FSTL4: variants seen among roughly 807,000 people sequenced by gnomAD.
FSTL4 encodes the protein follistatin-related protein 4.
Under a neutral mutation model 78.2 loss-of-function variants are expected in FSTL4, and 28 were observed. The ratio of observed to expected loss-of-function variants is 0.36; its 90% CI spans 0.27 to 0.49. FSTL4 has a LOEUF of 0.49. FSTL4 is among the 20% of genes least tolerant of loss of function. The pLI is 0.98. For missense variants in FSTL4, 922 were observed against 1,084.9 expected (o/e 0.85, Z 2.11); for synonymous variants, 422 against 440.5 (o/e 0.96, Z 0.53).
At chr5:133,708,544 C>T in the FSTL4 span, among the ~76,000 whole-genome samples, 1 of 152,192 alleles carries the variant, frequency 6.6e-6, no homozygotes, top group Non-Finnish European at 1.5e-5. Context: ...GCTTGTCCTG[C>T]TCCATTAGAG....
At chr5:133,663,364 C>T in the FSTL4 span, among the ~76,000 whole-genome samples, 1 of 152,202 alleles carries the variant, frequency 6.6e-6, no homozygotes, top group Non-Finnish European at 1.5e-5. Flanking sequence ...AGGGAACTAA[C>T]TCTACATCCT....
chr5:133,809,609 G>GA, the FSTL4 span, among the ~76,000 whole-genome samples: 287 of 136,930 alleles, frequency 2.1e-3, 1 homozygote, highest in East Asian at 0.017. Context: ...ACCAAAAATG[G>GA]AAAAAAAAAA....
At chr5:133,205,802 T>C (rs1446637953) in intron 14 of FSTL4, among the ~76,000 whole-genome samples, 2 of 152,128 alleles carry the variant, frequency 1.3e-5, no homozygotes, top group Admixed American at 6.6e-5. Flanking sequence ...ACTGAGCCCA[T>C]GAAATTCAAA....
At chr5:133,807,612 G>A in the FSTL4 span, among the ~76,000 whole-genome samples, 1 of 152,216 alleles carries the variant, frequency 6.6e-6, no homozygotes, top group African/African-American at 2.4e-5. Flanking sequence ...AGGATGCTCT[G>A]TAACCAGCAA....
intron 11 of FSTL4, among the ~76,000 whole-genome samples, chr5:133,221,897 T>TTTTGTTTG (rs2126788804): frequency 1.4e-5 from 1 of 73,900 alleles, no homozygotes; most frequent in African/African-American, 9.1e-5. Flanking sequence ...TCTAGTTTTT[T>TTTTGTTTG]TTTTTTTTTT....
chr5:133,457,532 T>C (rs546039928), intron 3 of FSTL4, among the ~76,000 whole-genome samples: 89 of 152,376 alleles, frequency 5.8e-4, no homozygotes, highest in African/African-American at 2.0e-3. Context: ...ATCCAATGCC[T>C]TTCCTTTGAA....
the FSTL4 span, among the ~76,000 whole-genome samples, chr5:133,823,172 G>A: frequency 1.3e-5 from 2 of 152,182 alleles, no homozygotes; most frequent in Non-Finnish European, 2.9e-5. Flanking sequence ...AGAAAGCAGA[G>A]CCCAGAGCTG....
chr5:133,685,158 T>G, the FSTL4 span, among the ~76,000 whole-genome samples: 1 of 152,182 alleles, frequency 6.6e-6, no homozygotes, highest in African/African-American at 2.4e-5. Context: ...TCTCCTCTGG[T>G]GCAAAGGACT....
intron 3 of FSTL4, among the ~76,000 whole-genome samples, chr5:133,431,655 AC>A (rs1260417676): frequency 2.0e-5 from 3 of 152,170 alleles, no homozygotes; most frequent in Non-Finnish European, 4.4e-5. Context: ...AGTCAATGCC[AC>A]CTGAAGCAGA....
At chr5:133,831,088 A>T in the FSTL4 span, among the ~76,000 whole-genome samples, 1 of 152,154 alleles carries the variant, frequency 6.6e-6, no homozygotes, top group Non-Finnish European at 1.5e-5. Flanking sequence ...GTTGTAAAAG[A>T]TACTGAAAAT....
chr5:133,712,879 TC>T, the FSTL4 span, among the ~76,000 whole-genome samples: 4 of 152,026 alleles, frequency 2.6e-5, no homozygotes, highest in Non-Finnish European at 5.9e-5. Context: ...CTGCAGGAGG[TC>T]CAGGCCGTGT....
At chr5:133,429,120 C>T (rs536593657) in intron 3 of FSTL4, among the ~76,000 whole-genome samples, 1 of 152,310 alleles carries the variant, frequency 6.6e-6, no homozygotes, top group African/African-American at 2.4e-5. Context: ...GGGCCCTAAC[C>T]TGGGTCCCAG....
chr5:133,645,061 C>T, the FSTL4 span, among the ~76,000 whole-genome samples: 1 of 152,092 alleles, frequency 6.6e-6, no homozygotes, highest in Non-Finnish European at 1.5e-5. Flanking sequence ...CCTCATGACC[C>T]TTTGGTTTTT....
chr5:133,340,786 A>G lies in FSTL4; in HGVS notation c.410-24134T>C, dbSNP rs17166606. ...CACAGACCAAGCTAAACTGGAAATC[A>G]TTATGCAATAATTGGAAATACACTA... On this transcript the variant is annotated intron_variant, in intron 4 of 15. Coordinates refer to ENST00000265342, the MANE Select transcript of FSTL4 (RefSeq NM_015082.2). Among the ~76,000 whole-genome samples the G allele has an allele frequency of 5.6e-3, 849 of 152,286 alleles. 6 individuals carry two copies. The highest frequency in any genetic ancestry group is 0.02 in the African/African-American group (812 of 41,546).
At chr5:133,435,139 G>A (rs1757011788) in intron 3 of FSTL4, among the ~76,000 whole-genome samples, 1 of 151,952 alleles carries the variant, frequency 6.6e-6, no homozygotes, top group Non-Finnish European at 1.5e-5. Context: ...TTTTTTATGT[G>A]GTTTAGGAAA....
chr5:133,379,629 C>A (rs1223708074), intron 4 of FSTL4, among the ~76,000 whole-genome samples: 1 of 152,136 alleles, frequency 6.6e-6, no homozygotes, highest in Non-Finnish European at 1.5e-5. Context: ...GGAAATTAAA[C>A]AACACACACC....
intron 3 of FSTL4, among the ~76,000 whole-genome samples, chr5:133,449,178 C>T (rs1355589264): frequency 6.6e-6 from 1 of 152,212 alleles, no homozygotes; most frequent in Non-Finnish European, 1.5e-5. Context: ...TCTGTGCACA[C>T]CATAGGCCTG....
At chr5:133,750,677 G>A in the FSTL4 span, among the ~76,000 whole-genome samples, 10 of 151,948 alleles carry the variant, frequency 6.6e-5, no homozygotes, top group African/African-American at 1.2e-4. Flanking sequence ...TCCCTGTCCC[G>A]GCTCCTAACA....
chr5:133,438,198 C>A (rs566996365), intron 3 of FSTL4, among the ~76,000 whole-genome samples: 1 of 152,158 alleles, frequency 6.6e-6, no homozygotes, highest in Non-Finnish European at 1.5e-5. Context: ...CTTTCTTTTG[C>A]CTTCGACATG....
Sources: gnomAD v4.1 joint callset for allele counts (sites outside exome capture counted in the v4.1 genomes callset) on GRCh38, gnomAD v4.1.1 for gene constraint, MANE v1.5 for transcripts, NCBI Gene and HGNC (gene_info 2026-07-23, HGNC 2026-07-21) for gene names.